The following EYS variants were observed in gnomAD, a reference collection of about 807,000 sequenced individuals.
The protein encoded by EYS is protein eyes shut homolog.
EYS carries 250 observed loss-of-function variants against 282.1 expected under a neutral mutation model. The observed-to-expected ratio is 0.89, with a 90% CI of 0.80 to 0.98. EYS has a LOEUF of 0.98. Among genes scored for constraint, EYS ranks in the 50% least tolerant of loss-of-function variants. The pLI, the probability that EYS is intolerant of heterozygous loss-of-function variation, is 0.00. For synonymous variants in EYS, 1,355 were observed against 1,282.9 expected, an observed-to-expected ratio of 1.06 and a Z score of -1.20; for missense variants, 4,016 against 3,709.0, an observed-to-expected ratio of 1.08 and a Z score of -2.15.
intron 5 of EYS, among the ~76,000 whole-genome samples, chr6:65,458,596 T>C (rs950242020): frequency 3.1e-4 from 47 of 152,194 alleles, no homozygotes; most frequent in African/African-American, 1.0e-3. Flanking sequence ...TGAAGTAATG[T>C]CACTTATTTC....
At chr6:63,824,537 G>T (rs1771406336) in intron 36 of EYS, among the ~76,000 whole-genome samples, 1 of 152,188 alleles carries the variant, frequency 6.6e-6, no homozygotes, top group Non-Finnish European at 1.5e-5. Context: ...GTGGACTGCT[G>T]CTGCAGGACG....
At chr6:64,679,109 A>G (rs1769807205) in intron 22 of EYS, among the ~76,000 whole-genome samples, 1 of 152,012 alleles carries the variant, frequency 6.6e-6, no homozygotes, top group Non-Finnish European at 1.5e-5. Context: ...TTTCATTTCT[A>G]TCCTCTTCTC....
intron 22 of EYS, among the ~76,000 whole-genome samples, chr6:64,626,456 T>C (rs2149857091): frequency 6.6e-6 from 1 of 152,226 alleles, no homozygotes; most frequent in Admixed American, 6.5e-5. Context: ...TGAATTTATT[T>C]GGAAATAGAG....
At chr6:64,404,514 C>T (rs913715812) in intron 28 of EYS, among the ~76,000 whole-genome samples, 1 of 152,102 alleles carries the variant, frequency 6.6e-6, no homozygotes, top group African/African-American at 2.4e-5. Context: ...TATTATCTAG[C>T]AGAATTTTAC....
At chr6:64,633,219 AAAT>A (rs1181022219) in intron 22 of EYS, among the ~76,000 whole-genome samples, 1 of 152,184 alleles carries the variant, frequency 6.6e-6, no homozygotes, top group Non-Finnish European at 1.5e-5. Flanking sequence ...AATATTGTCT[AAAT>A]AACTGTTGAA....
At chr6:65,095,229 C>T (rs149402066) in intron 12 of EYS, among the ~76,000 whole-genome samples, 35 of 151,138 alleles carry the variant, frequency 2.3e-4, no homozygotes, top group African/African-American at 8.5e-4. Flanking sequence ...CAGAAGTAAA[C>T]AGTAAAAGGG....
At chr6:65,519,571 A>G (rs1222101849) in intron 2 of EYS, among the ~76,000 whole-genome samples, 1 of 148,282 alleles carries the variant, frequency 6.7e-6, no homozygotes, top group African/African-American at 2.5e-5. Flanking sequence ...TAATGAGTGA[A>G]TAAGATATTT....
chr6:65,470,462 A>T (rs192907308), intron 5 of EYS, among the ~76,000 whole-genome samples: 1 of 152,280 alleles, frequency 6.6e-6, no homozygotes, highest in Non-Finnish European at 1.5e-5. Context: ...AAATTTATGA[A>T]GCTAGATGTC....
chr6:64,247,505 A>C (rs1767058064), intron 30 of EYS, among the ~76,000 whole-genome samples: 1 of 152,180 alleles, frequency 6.6e-6, no homozygotes, highest in African/African-American at 2.4e-5. Flanking sequence ...AGGATTAATT[A>C]CACACAAATC....
intron 12 of EYS, among the ~76,000 whole-genome samples, chr6:65,222,929 G>C (rs1411320291): frequency 6.6e-6 from 1 of 152,086 alleles, no homozygotes; most frequent in Non-Finnish European, 1.5e-5. Context: ...TAAGGATGAA[G>C]AAGAAGTAAG....
intron 26 of EYS, among the ~76,000 whole-genome samples, chr6:64,582,188 C>A (rs146372241): frequency 2.0e-4 from 31 of 152,176 alleles, no homozygotes; most frequent in Admixed American, 1.9e-3. Flanking sequence ...GTCTCCAACC[C>A]CTGGGCCATG....
chr6:63,760,340 T>G (rs918490236), intron 41 of EYS, among the ~76,000 whole-genome samples: 8 of 152,032 alleles, frequency 5.3e-5, no homozygotes, highest in African/African-American at 1.9e-4. Context: ...AGCTATAACA[T>G]AAATGAGCAA....
At chr6:64,487,178 T>C (rs912099026) in intron 26 of EYS, among the ~76,000 whole-genome samples, 1 of 151,212 alleles carries the variant, frequency 6.6e-6, no homozygotes, top group African/African-American at 2.4e-5. Context: ...TGGAGTGCTT[T>C]TTCATGCTAA....
intron 32 of EYS, among the ~76,000 whole-genome samples, chr6:64,077,185 A>T (rs1771803885): frequency 6.6e-6 from 1 of 152,012 alleles, no homozygotes; most frequent in South Asian, 2.1e-4. Context: ...GGATGAAGAT[A>T]TTCAAAGAAT....
intron 2 of EYS, among the ~76,000 whole-genome samples, chr6:65,593,957 G>C (rs1252409201): frequency 6.6e-6 from 1 of 151,910 alleles, no homozygotes; most frequent in African/African-American, 2.4e-5. Flanking sequence ...TTGGAGCATA[G>C]AGAAGGTCAA....
intron 2 of EYS, among the ~76,000 whole-genome samples, chr6:65,513,372 C>A (rs1321033309): frequency 1.3e-5 from 2 of 152,140 alleles, no homozygotes; most frequent in Non-Finnish European, 1.5e-5. Flanking sequence ...CAAGGAGGAA[C>A]TGGTACCATT....
chr6:65,465,317 A>AT (rs916715827), intron 5 of EYS, among the ~76,000 whole-genome samples: 7 of 151,630 alleles, frequency 4.6e-5, no homozygotes, highest in Non-Finnish European at 7.4e-5. Context: ...ATCTCCCCCC[A>AT]TTTTTTTTAA....
chr6:64,820,775 G>T (rs550857222), intron 21 of EYS, among the ~76,000 whole-genome samples: 1 of 152,004 alleles, frequency 6.6e-6, no homozygotes, highest in Non-Finnish European at 1.5e-5. Flanking sequence ...TTGGTTCTCC[G>T]TGAATGCATT....
intron 5 of EYS, among the ~76,000 whole-genome samples, chr6:65,415,621 A>C (rs1280223740): frequency 3.3e-5 from 5 of 152,120 alleles, no homozygotes; most frequent in Non-Finnish European, 5.9e-5. Context: ...ACATCAATAT[A>C]ACAGGAGAAA....
Sources: allele counts gnomAD v4.1 joint callset (sites outside exome capture counted in the v4.1 genomes callset), GRCh38; gene constraint gnomAD v4.1.1; transcripts MANE v1.5; gene names NCBI Gene and HGNC (gene_info 2026-07-23, HGNC 2026-07-21).